The following ALK variants were observed in gnomAD, a reference collection of about 807,000 sequenced individuals.
ALK encodes ALK receptor tyrosine kinase, also known as ALK tyrosine kinase receptor.
Under a neutral mutation model 163.1 loss-of-function variants are expected in ALK, and 74 were observed. The ratio of observed to expected loss-of-function variants is 0.45; its 90% CI spans 0.38 to 0.55. The LOEUF (loss-of-function observed/expected upper bound fraction) is 0.55. Ranked by LOEUF, ALK falls within the 20% of genes least tolerant of loss-of-function variation. The pLI is 0.00. For missense variants in ALK, 2,063 were observed against 2,105.3 expected, an observed-to-expected ratio of 0.98 and a Z score of 0.39; for synonymous variants, 960 against 843.2, an observed-to-expected ratio of 1.14 and a Z score of -2.40.
At chr2:29,895,115 G>A (rs1399307520) in intron 1 of ALK, among the ~76,000 whole-genome samples, 3 of 152,172 alleles carry the variant, frequency 2.0e-5, no homozygotes, top group Non-Finnish European at 2.9e-5. Context: ...AAAACTTAAT[G>A]TAGCTTTTAT....
At chr2:29,549,542 G>T (rs1673661526) in intron 3 of ALK, among the ~76,000 whole-genome samples, 1 of 152,148 alleles carries the variant, frequency 6.6e-6, no homozygotes, top group African/African-American at 2.4e-5. Context: ...CGTGACTGAA[G>T]AACTGAATTT....
At chr2:29,406,525 C>A (rs181037220) in intron 4 of ALK, among the ~76,000 whole-genome samples, 43 of 152,084 alleles carry the variant, frequency 2.8e-4, no homozygotes. Flanking sequence ...AGAAGCTGAC[C>A]GATTGCTGAT....
chr2:29,543,044 CTTCTT>C (rs1216094560), intron 3 of ALK, among the ~76,000 whole-genome samples: 2 of 151,634 alleles, frequency 1.3e-5, no homozygotes, highest in African/African-American at 4.9e-5. Flanking sequence ...CTCTTTTCTT[CTTCTT>C]TTAACAGAAG....
rs550316713 is a variant in ALK at position 29,700,573 on chromosome 2, G to C, written c.788-5559C>G. 2.6e-5 allele frequency among the ~76,000 whole-genome samples: 4 copies of C among 152,254 alleles called. 1 individual carries two copies. The South Asian group carries it at 8.3e-4, about 32-fold the overall frequency. On this transcript the variant is annotated intron_variant, in intron 2 of 28. Coordinates refer to ENST00000389048, the MANE Select transcript of ALK (RefSeq NM_004304.5). ...AACACAAAAAGGAAAGCTTATGTGA[G>C]TTTTGCACATAATAGTTGCAGGATG...
intron 11 of ALK, among the ~76,000 whole-genome samples, chr2:29,266,314 T>A (rs1665218829): frequency 6.6e-6 from 1 of 152,138 alleles, no homozygotes. Context: ...TAACCTCCCC[T>A]CCAGATACAT....
chr2:29,241,383 C>A (rs997021654), intron 12 of ALK, among the ~76,000 whole-genome samples: 1 of 152,036 alleles, frequency 6.6e-6, no homozygotes, highest in African/African-American at 2.4e-5. Context: ...TCATTCCAAA[C>A]AACATGATAG....
intron 1 of ALK, among the ~76,000 whole-genome samples, chr2:29,917,440 T>C (rs1217025902): frequency 6.6e-6 from 1 of 152,190 alleles, no homozygotes; most frequent in African/African-American, 2.4e-5. Context: ...ACATGATAAA[T>C]AGCAAAATCA....
intron 3 of ALK, among the ~76,000 whole-genome samples, chr2:29,652,577 G>T (rs1677065932): frequency 6.6e-6 from 1 of 152,170 alleles, no homozygotes; most frequent in African/African-American, 2.4e-5. Flanking sequence ...TTCAGGATGG[G>T]ATTTGGTCAC....
intron 2 of ALK, among the ~76,000 whole-genome samples, chr2:29,715,532 A>C (rs1203778612): frequency 6.6e-6 from 1 of 152,216 alleles, no homozygotes; most frequent in Non-Finnish European, 1.5e-5. Flanking sequence ...GCAGCTTAAT[A>C]AGCTTTCATG....
In ALK at chr2:29,217,109, TGTGG is replaced by T. The variant is rs1175337273; in HGVS notation, c.3646-3032_3646-3029del. Reference sequence around the variant, plus strand: ...GTGGTATATGTCTATGTGGTGTGTCTGTGGGGGGGGGGCGTGTGTGGTGTGTGTG... The same window carrying T: ...GTGGTATATGTCTATGTGGTGTGTCTGGGGGGGGCGTGTGTGGTGTGTGTG... On this transcript the variant is annotated intron_variant, in intron 23 of 28. Coordinates refer to ENST00000389048, the MANE Select transcript of ALK (RefSeq NM_004304.5). Among the ~76,000 whole-genome samples the T allele has an allele frequency of 2.9e-4, 27 of 92,776 alleles. No homozygotes were observed. In the East Asian group the frequency reaches 3.4e-3, roughly 12 times the overall value. 60.9% of individuals were successfully genotyped at this position (92,776 alleles called of 152,430 possible). A position where few individuals can be genotyped will look rare whatever the true frequency, so the allele number is the denominator to read the frequency against.
At chr2:29,750,630 GGGAAGGAAGGAAGGAA>G (rs1189354098) in intron 1 of ALK, among the ~76,000 whole-genome samples, 1,977 of 71,892 alleles carry the variant, frequency 0.027, 113 homozygotes, top group African/African-American at 0.088. Context: ...GGAACAGAAT[GGGAAGGAAGGAAGGAA>G]GGAAGGAAGG....
intron 11 of ALK, among the ~76,000 whole-genome samples, chr2:29,255,222 G>A (rs1664921765): frequency 6.6e-6 from 1 of 152,124 alleles, no homozygotes; most frequent in Non-Finnish European, 1.5e-5. Flanking sequence ...ATTGTGCGAG[G>A]GCTGTCCTGC....
At chr2:29,891,969 T>C (rs181317392) in intron 1 of ALK, among the ~76,000 whole-genome samples, 1 of 152,318 alleles carries the variant, frequency 6.6e-6, no homozygotes, top group African/African-American at 2.4e-5. Flanking sequence ...GTTCAACCAA[T>C]CTCTCCCTAA....
intron 8 of ALK, among the ~76,000 whole-genome samples, chr2:29,317,719 C>T (rs1666872303): frequency 1.3e-5 from 2 of 152,180 alleles, no homozygotes; most frequent in African/African-American, 4.8e-5. Context: ...ATTCTAGAGT[C>T]CATGAGCTTA....
chr2:29,329,179 G>A (rs1558676214), intron 5 of ALK, among the ~76,000 whole-genome samples: 3 of 152,150 alleles, frequency 2.0e-5, no homozygotes, highest in Non-Finnish European at 4.4e-5. Flanking sequence ...TTATCCAGAG[G>A]GGGAAGGGAT....
chr2:29,350,142 C>A (rs931657457), intron 5 of ALK, among the ~76,000 whole-genome samples: 6 of 152,176 alleles, frequency 3.9e-5, no homozygotes, highest in African/African-American at 1.2e-4. Flanking sequence ...CATAAATAAT[C>A]CCGGTCCTGT....
chr2:29,722,368 C>T (rs1458699183), intron 1 of ALK, among the ~76,000 whole-genome samples: 1 of 152,190 alleles, frequency 6.6e-6, no homozygotes, highest in Non-Finnish European at 1.5e-5. Flanking sequence ...TACCCATGCT[C>T]ACACAAACCT....
chr2:29,621,719 T>C (rs906717146), intron 3 of ALK, among the ~76,000 whole-genome samples: 3 of 152,176 alleles, frequency 2.0e-5, no homozygotes, highest in Admixed American at 2.0e-4. Flanking sequence ...CTGGAGACTC[T>C]TTGGGTTGAA....
intron 5 of ALK, among the ~76,000 whole-genome samples, chr2:29,329,330 G>A (rs1006453849): frequency 1.3e-5 from 2 of 152,180 alleles, no homozygotes; most frequent in African/African-American, 4.8e-5. Flanking sequence ...GGCTGGTCTG[G>A]CTTAGCCTCC....
Sources: allele counts gnomAD v4.1 joint callset (sites outside exome capture counted in the v4.1 genomes callset), GRCh38; gene constraint gnomAD v4.1.1; transcripts MANE v1.5; gene names NCBI Gene and HGNC (gene_info 2026-07-23, HGNC 2026-07-21).